MIA2: variants seen among roughly 807,000 people sequenced by gnomAD.
MIA2 encodes the protein melanoma inhibitory activity protein 2.
A neutral mutation model predicts 167.8 loss-of-function variants in MIA2; 127 were observed. That is an observed-to-expected ratio of 0.76 (90% CI 0.66 to 0.88). MIA2 has a LOEUF of 0.88. Among genes scored for constraint, MIA2 ranks in the 40% least tolerant of loss-of-function variants. The probability of loss-of-function intolerance (pLI) is 0.00; values close to 1 mark genes in which losing one functional copy is unlikely to be tolerated. For synonymous variants in MIA2, 552 were observed against 541.9 expected, an observed-to-expected ratio of 1.02 and a Z score of -0.26; for missense variants, 1,690 against 1,624.7, an observed-to-expected ratio of 1.04 and a Z score of -0.69.
intron 28 of MIA2, among the ~76,000 whole-genome samples, chr14:39,349,202 TG>T (rs1436484066): frequency 2.0e-5 from 3 of 152,338 alleles, no homozygotes; most frequent in African/African-American, 7.2e-5. Flanking sequence ...GAATTATTTC[TG>T]TATTTTGGCA....
At chr14:39,302,778 A>T (rs556896481) in intron 15 of MIA2, among the ~76,000 whole-genome samples, 1 of 152,244 alleles carries the variant, frequency 6.6e-6, no homozygotes, top group African/African-American at 2.4e-5. Context: ...GTATTCTCAC[A>T]CCAATTCCTT....
At chr14:39,297,069 G>A (rs982161596) in intron 13 of MIA2, among the ~76,000 whole-genome samples, 16 of 151,646 alleles carry the variant, frequency 1.1e-4, no homozygotes, top group Non-Finnish European at 2.1e-4. Context: ...GAGCCACCAC[G>A]CCCGGCTATT....
chr14:39,293,441 T>TATG, intron 11 of MIA2, 60 bp downstream of exon 11: 1 of 1,126,628 alleles, frequency 8.9e-7, no homozygotes, highest in Non-Finnish European at 1.3e-6. Flanking sequence ...CTTTAAAAAA[T>TATG]TAATATGATA....
chr14:39,317,863 A>G (rs2065777299), intron 21 of MIA2, 81 bp from the exon 22 acceptor site: 3 of 873,290 alleles, frequency 3.4e-6, no homozygotes, highest in East Asian at 3.1e-5. Context: ...AAGAAATTTA[A>G]TGAATGTTTA....
intron 22 of MIA2, 24 bp from the exon 23 acceptor site, chr14:39,319,183 TAG>T (rs1195213543): frequency 7.4e-7 from 1 of 1,355,532 alleles, no homozygotes; most frequent in Non-Finnish European, 1.0e-6. Flanking sequence ...ATGAGTAACT[TAG>T]AGATGTTTGT....
chr14:39,319,315 C>T, intron 23 of MIA2, 24 bp downstream of exon 23: 4 of 1,291,012 alleles, frequency 3.1e-6, no homozygotes, highest in Non-Finnish European at 4.3e-6. Context: ...TTTTACCCCT[C>T]ATTTAAAATA....
intron 23 of MIA2, chr14:39,385,492 T>G (rs2075257576): frequency 2.2e-6 from 2 of 908,332 alleles, no homozygotes; most frequent in South Asian, 2.6e-5. Flanking sequence ...CTTGCTCTCC[T>G]GTGTCACAGC....
intron 23 of MIA2, among the ~76,000 whole-genome samples, chr14:39,375,547 A>G (rs1236286861): frequency 6.6e-6 from 1 of 152,174 alleles, no homozygotes; most frequent in Admixed American, 6.5e-5. Flanking sequence ...AATGCAAAAA[A>G]TTAGTCAGAC....
rs185202462 is a variant in MIA2, at chr14:39,371,656, G to T, written c.2249-15229G>T. Among the ~76,000 whole-genome samples, 151 of 152,332 alleles carry T rather than the reference G, an allele frequency of 9.9e-4. 1 individual carries two copies. The highest frequency in any genetic ancestry group is 5.2e-3 in the Admixed American group (80 of 15,302). On this transcript the variant is annotated intron_variant, in intron 23 of 23. Coordinates refer to the MIA2 transcript ENST00000341502. ...CTCTGATAATTTTGTATAAAGAGCA[G>T]TTAAGCATGTTATACATTGTGTTAG... is the stretch of plus-strand genomic sequence containing the variant.
chr14:39,303,004 A>G (rs1462832216), intron 15 of MIA2, among the ~76,000 whole-genome samples: 1 of 152,146 alleles, frequency 6.6e-6, no homozygotes, highest in Non-Finnish European at 1.5e-5. Flanking sequence ...GACAACATTA[A>G]TATGTTGGAA....
rs771884633 is a variant in MIA2 at position 39,313,459 on chromosome 14, C to A, written c.3119+18C>A. On this transcript the variant is annotated intron_variant, in intron 19 of 28. Transcript: ENST00000640607. ...ACCTATAGGTATTAAATACATTTTT[C>A]TGGTTTCTTTTTTGGAATGGGAAGA... 4 of 1,446,758 alleles carry A rather than the reference C, an allele frequency of 2.8e-6. No individual in the cohort carries two copies. Among genetic ancestry groups the A allele is most frequent in the Non-Finnish European group, 1.9e-6 (2 of 1,071,098 alleles). 89.6% of individuals were successfully genotyped at this position (1,446,758 alleles called of 1,614,324 possible). A position where few individuals can be genotyped will look rare whatever the true frequency, so the allele number is the denominator to read the frequency against.
chr14:39,382,806 CATAAG>C (rs753770191), intron 23 of MIA2, among the ~76,000 whole-genome samples: 28 of 152,254 alleles, frequency 1.8e-4, no homozygotes, highest in East Asian at 7.7e-4. Context: ...CTTTCACACT[CATAAG>C]AGATGTCTAG....
In MIA2 at chr14:39,326,828, T is replaced by A. The variant is rs1250295762; in HGVS notation, c.3497-36T>A. ...AACAAGTATATAAGACTTTTTAAGA[T>A]GAAACAGATTTGTATGTTTTTTTTT... is the stretch of plus-strand genomic sequence containing the variant. On this transcript the variant is annotated intron_variant, in intron 24 of 28. Coordinates refer to ENST00000640607, the MANE Select transcript of MIA2 (RefSeq NM_001329214.4). 2.6e-6 allele frequency: 4 copies of A among 1,511,962 alleles called. No homozygotes were observed. In the Admixed American group the frequency reaches 7.5e-5, roughly 28 times the overall value. The allele number at this position is 1,511,962 out of a possible 1,614,324, so 93.7% of individuals were successfully genotyped here.
intron 3 of MIA2, among the ~76,000 whole-genome samples, chr14:39,246,611 G>T (rs1232835037): frequency 1.3e-5 from 2 of 152,118 alleles, no homozygotes; most frequent in African/African-American, 2.4e-5. Flanking sequence ...GAGGAGGGAG[G>T]ATTGTTTGAA....
At chr14:39,346,703 T>A (rs891190116) in intron 26 of MIA2, among the ~76,000 whole-genome samples, 125 of 148,804 alleles carry the variant, frequency 8.4e-4, no homozygotes, top group Non-Finnish European at 4.6e-4. Context: ...TATATAATTT[T>A]AAAAATATTG....
At chr14:39,264,161 C>G (rs2055300187) in intron 6 of MIA2, among the ~76,000 whole-genome samples, 1 of 152,106 alleles carries the variant, frequency 6.6e-6, no homozygotes, top group Admixed American at 6.5e-5. Context: ...TGTACGTACC[C>G]AAGATTTAGC....
chr14:39,238,147 G>A (rs1464497258), intron 2 of MIA2, among the ~76,000 whole-genome samples: 1 of 152,008 alleles, frequency 6.6e-6, no homozygotes, highest in Non-Finnish European at 1.5e-5. Context: ...TCCCCAGAAA[G>A]GCTGGTAGCT....
At chr14:39,379,396 T>C (rs574975396) in intron 23 of MIA2, among the ~76,000 whole-genome samples, 23 of 152,344 alleles carry the variant, frequency 1.5e-4, no homozygotes, top group Admixed American at 5.9e-4. Context: ...ATGCAGTTCA[T>C]GATGTAATAA....
chr14:39,370,676 A>G (rs557218182), intron 23 of MIA2: 1 of 238,632 alleles, frequency 4.2e-6, no homozygotes, highest in Non-Finnish European at 8.6e-6. Flanking sequence ...TGCCCAGCAC[A>G]GCAGAGCCAC....
Sources: allele counts gnomAD v4.1 joint callset (sites outside exome capture counted in the v4.1 genomes callset), GRCh38; gene constraint gnomAD v4.1.1; transcripts MANE v1.5; gene names NCBI Gene and HGNC (gene_info 2026-07-23, HGNC 2026-07-21).